The following IQSEC3 variants were observed in gnomAD, a reference collection of about 807,000 sequenced individuals.
IQSEC3 encodes the protein IQ motif and SEC7 domain-containing protein 3.
IQSEC3 carries 50 observed loss-of-function variants against 105.4 expected under a neutral mutation model. That is an observed-to-expected ratio of 0.47 (90% confidence interval 0.38 to 0.60). The LOEUF (loss-of-function observed/expected upper bound fraction) is 0.60, where lower values mean the gene tolerates loss of function less well. Ranked by LOEUF, IQSEC3 falls within the 20% of genes least tolerant of loss-of-function variation. The pLI, the probability that IQSEC3 is intolerant of heterozygous loss-of-function variation, is 0.00. For missense variants in IQSEC3, 1,415 were observed against 1,630.0 expected (o/e 0.87, Z 2.27); for synonymous variants, 708 against 746.0 (o/e 0.95, Z 0.83).
chr12:81,403 G>A (rs1260769030), intron 1 of IQSEC3, among the ~76,000 whole-genome samples: 1 of 152,224 alleles, frequency 6.6e-6, no homozygotes, highest in African/African-American at 2.4e-5. Flanking sequence ...GGCAGAAGCA[G>A]GGAGTTCAGG....
Position 175,939 on chromosome 12 carries a change from T to G in IQSEC3, c.*906T>G, listed in dbSNP as rs1001893525. On this transcript the variant is annotated 3_prime_UTR_variant, in exon 14 of 14. Coordinates refer to ENST00000538872, the MANE Select transcript of IQSEC3 (RefSeq NM_001170738.2). Reference sequence around the variant, plus strand: ...AGCAGAACTGGAGACGGGGCAGGAATGTGCCCAGCAGAGATGGGGCTCAGC... The same window carrying G: ...AGCAGAACTGGAGACGGGGCAGGAAGGTGCCCAGCAGAGATGGGGCTCAGC... 3.3e-5 allele frequency: 5 copies of G among 152,070 alleles called. No homozygotes were observed. The highest frequency in any genetic ancestry group is 7.3e-5 in the Non-Finnish European group (5 of 68,058). The allele number at this position is 152,070 out of a possible 1,614,324, so 9.4% of individuals were successfully genotyped here.
chr12:72,695 C>CT (rs1863365590), intron 1 of IQSEC3, among the ~76,000 whole-genome samples: 1 of 96,726 alleles, frequency 1.0e-5, no homozygotes, highest in Admixed American at 1.1e-4. Context: ...TGCTTATTTC[C>CT]ATGGAAGAAA....
chr12:96,563 T>C (rs183352668), intron 1 of IQSEC3, among the ~76,000 whole-genome samples: 102 of 152,300 alleles, frequency 6.7e-4, no homozygotes, highest in Admixed American at 7.2e-4. Context: ...TGCTGTAAAA[T>C]AGTTCAGTTT....
At position 138,982 on chromosome 12, in the gene IQSEC3, C is replaced by T. The variant is rs530779417; in HGVS notation, c.1619C>T (p.Ala540Val). ...GETSGREAPE[A>V]PAVGREDASA... ...ACCTCTGGGCGGGAGGCCCCGGAAG[C>T]CCCCGCCGTGGGCCGGGAGGACGCG... Residue 540 changes from alanine to valine, a missense_variant, in exon 4 of 14, where the codon GCC (alanine) becomes GTC (valine). Ala to Val is a moderately conservative substitution (Grantham distance 64). Around this residue, in one of 6 missense-constraint regions of IQSEC3, gnomAD observed 720 missense variants for 633.0 expected, o/e 1.14. Coordinates refer to ENST00000538872, the MANE Select transcript of IQSEC3 (RefSeq NM_001170738.2). This position sits in a 1 kb window ranked among gnomAD's most constrained non-coding sequence, Gnocchi z 7.1. The T allele has an allele frequency of 2.6e-6, 4 of 1,538,844 alleles. No homozygotes were observed. In the South Asian group the frequency reaches 4.8e-5, roughly 18 times the overall value.
intron 5 of IQSEC3, among the ~76,000 whole-genome samples, chr12:149,806 G>T (rs1046674598): frequency 6.6e-6 from 1 of 152,176 alleles, no homozygotes; most frequent in Non-Finnish European, 1.5e-5. Flanking sequence ...AGAAATAACA[G>T]CATGCACCAA....
intron 2 of IQSEC3, among the ~76,000 whole-genome samples, chr12:106,316 A>G (rs1555077898): frequency 6.6e-6 from 1 of 152,224 alleles, no homozygotes; most frequent in African/African-American, 2.4e-5. Context: ...GTTGTCAAGT[A>G]TGGGAAGCGA....
At chr12:134,700 G>A (rs1403852063) in intron 3 of IQSEC3, among the ~76,000 whole-genome samples, 3 of 151,800 alleles carry the variant, frequency 2.0e-5, no homozygotes, top group Non-Finnish European at 4.4e-5. Flanking sequence ...TTCAGGTCCA[G>A]CCTGGCCAAC....
At position 105,676 on chromosome 12, in the gene IQSEC3, C is replaced by T. The variant is rs1052144994; in HGVS notation, c.623+6462C>T. ...AAAAACCAAAATAGAGGTCAAAGTA[C>T]TTTGACACTTTGGGAGGGCGTATTA... is the stretch of plus-strand genomic sequence containing the variant. On this transcript the variant is annotated intron_variant, in intron 2 of 13. Coordinates refer to ENST00000538872, the MANE Select transcript of IQSEC3 (RefSeq NM_001170738.2). Among the ~76,000 whole-genome samples the T allele has an allele frequency of 7.9e-5, 12 of 152,186 alleles. No individual in the cohort carries two copies. In the East Asian group the frequency reaches 2.1e-3, roughly 27 times the overall value.
intron 2 of IQSEC3, among the ~76,000 whole-genome samples, chr12:104,731 C>T (rs1555077428): frequency 2.6e-5 from 4 of 152,228 alleles, no homozygotes; most frequent in African/African-American, 7.2e-5. Context: ...GAGGCCGCCA[C>T]GCGGGGTACC....
intron 13 of IQSEC3, among the ~76,000 whole-genome samples, chr12:172,474 G>A (rs540205866): frequency 4.6e-5 from 7 of 152,050 alleles, no homozygotes; most frequent in Non-Finnish European, 1.5e-5. Context: ...CCAACCCCAC[G>A]CACTCCTCCC....
intron 2 of IQSEC3, among the ~76,000 whole-genome samples, chr12:116,470 G>C (rs1251532221): frequency 6.6e-6 from 1 of 152,204 alleles, no homozygotes; most frequent in African/African-American, 2.4e-5. Flanking sequence ...GTTCCTGATG[G>C]TCACCCGTGG....
chr12:120,990 G>A (rs1307815463), intron 2 of IQSEC3, among the ~76,000 whole-genome samples: 2 of 152,166 alleles, frequency 1.3e-5, no homozygotes, highest in Non-Finnish European at 2.9e-5. Flanking sequence ...CCCGGCTAGC[G>A]CACTGCCACT....
At chr12:86,504 G>C (rs1259687023) in intron 1 of IQSEC3, among the ~76,000 whole-genome samples, 3 of 152,172 alleles carry the variant, frequency 2.0e-5, no homozygotes, top group Non-Finnish European at 4.4e-5. Context: ...TTTTAGATCT[G>C]TTAGCTCATT....
chr12:134,901 G>A (rs577356996), intron 3 of IQSEC3, among the ~76,000 whole-genome samples: 5 of 152,204 alleles, frequency 3.3e-5, no homozygotes, highest in South Asian at 4.1e-4. Flanking sequence ...CAAGGTGGGC[G>A]GATCACCAAG....
In IQSEC3 at chr12:127,246, C is replaced by T. The variant is rs12312097; in HGVS notation, c.903+1334C>T. 8.8e-3 allele frequency among the ~76,000 whole-genome samples: 1,334 copies of T among 152,282 alleles called. 23 individuals are homozygous for T. Among genetic ancestry groups the T allele is most frequent in the African/African-American group, 0.03 (1,259 of 41,550 alleles). Reference sequence around the variant, plus strand: ...TGTAAAAACCTCATCAGGGGCCAGGCGTGGTGGCTCATACCTGTAATCCCA... The same window carrying T: ...TGTAAAAACCTCATCAGGGGCCAGGTGTGGTGGCTCATACCTGTAATCCCA... On this transcript the variant is annotated intron_variant, in intron 3 of 13. Transcript: ENST00000538872.
chr12:163,650 G>T, intron 9 of IQSEC3, 31 bp downstream of exon 9: 1 of 1,254,820 alleles, frequency 8.0e-7, no homozygotes, highest in Non-Finnish European at 1.2e-6. Flanking sequence ...GACTGGGCTG[G>T]GCTGGGGCTG....
At position 176,602 on chromosome 12, in the gene IQSEC3, AG is replaced by A. The variant is rs1344993602; in HGVS notation, c.*1570del. 6.6e-6 allele frequency: 1 copy of A among 152,112 alleles called. No individual in the cohort carries two copies. Among genetic ancestry groups the A allele is most frequent in the Non-Finnish European group, 1.5e-5 (1 of 68,074 alleles). The allele number at this position is 152,112 out of a possible 1,614,324, so 9.4% of individuals were successfully genotyped here. A position where few individuals can be genotyped will look rare whatever the true frequency, so the allele number is the denominator to read the frequency against. On this transcript the variant is annotated 3_prime_UTR_variant, in exon 14 of 14. Transcript: ENST00000538872. This position sits in a 1 kb window ranked among gnomAD's most constrained non-coding sequence, Gnocchi z 4.0. ...ATCATTCCCTGCTCCCAGAGGTTCC[AG>A]ATGACCTAGTTTCGTTTTGTGTGTG...
intron 1 of IQSEC3, among the ~76,000 whole-genome samples, chr12:83,813 C>T (rs1863830714): frequency 6.6e-6 from 1 of 152,106 alleles, no homozygotes; most frequent in African/African-American, 2.4e-5. Context: ...CCCCGGAGCG[C>T]CGTGCACCCT....
At chr12:162,768 C>A (rs1591746185) in intron 8 of IQSEC3, among the ~76,000 whole-genome samples, 1 of 152,116 alleles carries the variant, frequency 6.6e-6, no homozygotes, top group Non-Finnish European at 1.5e-5. Context: ...TTGTCTTACA[C>A]GCTGGAGTAG....
Sources: gnomAD v4.1 joint callset for allele counts (sites outside exome capture counted in the v4.1 genomes callset) on GRCh38, gnomAD v4.1.1 for gene constraint, gnomAD v4.1.1 regional missense constraint, Gnocchi (gnomAD v3.1) non-coding constraint, MANE v1.5 for transcripts, NCBI Gene and HGNC (gene_info 2026-07-23, HGNC 2026-07-21) for gene names.